Variants in LARS1 observed in about 807,000 individuals in gnomAD.
LARS1 encodes the protein leucine--tRNA ligase, cytoplasmic.
LARS1 carries 100 observed loss-of-function variants against 162.8 expected under a neutral mutation model. That is an observed-to-expected ratio of 0.61 (90% CI 0.52 to 0.73). The LOEUF (loss-of-function observed/expected upper bound fraction) is 0.73. Among genes scored for constraint, LARS1 ranks in the 30% least tolerant of loss-of-function variants. The pLI is 0.00. For synonymous variants in LARS1, 457 were observed against 462.8 expected (o/e 0.99, Z 0.16); for missense variants, 1,258 against 1,408.9 (o/e 0.89, Z 1.71).
At chr5:146,140,118 T>C in intron 21 of LARS1, 86 bp downstream of exon 21, 1 of 1,029,100 alleles carries the variant, frequency 9.7e-7, no homozygotes, top group Non-Finnish European at 1.5e-6. Context: ...CATTATTTCT[T>C]ACATACATTT....
intron 21 of LARS1, among the ~76,000 whole-genome samples, chr5:146,139,872 CAAAAAAAA>C (rs34203668): frequency 1.6e-4 from 13 of 83,390 alleles, no homozygotes; most frequent in African/African-American, 3.7e-4. Context: ...GACTCCGTCT[CAAAAAAAA>C]AAAAAAAAAA....
chr5:146,171,019 C>T (rs1215495196), intron 4 of LARS1, among the ~76,000 whole-genome samples: 1 of 152,010 alleles, frequency 6.6e-6, no homozygotes, highest in Non-Finnish European at 1.5e-5. Flanking sequence ...GTTCATTGTA[C>T]TACCATTCCA....
At chr5:146,147,905 T>G (rs1753090300) in intron 15 of LARS1, among the ~76,000 whole-genome samples, 2 of 152,040 alleles carry the variant, frequency 1.3e-5, no homozygotes, top group Admixed American at 1.3e-4. Context: ...GAAAAAAGAT[T>G]ATACAAGCCT....
At chr5:146,135,543 C>T in intron 22 of LARS1, 58 bp downstream of exon 22, 1 of 1,255,108 alleles carries the variant, frequency 8.0e-7, no homozygotes, top group South Asian at 1.4e-5. Flanking sequence ...TTTAACGTGT[C>T]TTCTATAATC....
intron 22 of LARS1, among the ~76,000 whole-genome samples, chr5:146,134,702 A>G (rs1256178639): frequency 6.6e-6 from 1 of 152,224 alleles, no homozygotes; most frequent in East Asian, 1.9e-4. Flanking sequence ...TAATCCCAGC[A>G]CTTTGGAAGG....
intron 28 of LARS1, among the ~76,000 whole-genome samples, chr5:146,126,095 T>C (rs1752029414): frequency 1.3e-5 from 2 of 152,000 alleles, no homozygotes; most frequent in Non-Finnish European, 2.9e-5. Flanking sequence ...TATACAAATG[T>C]TGAATCCTGG....
At chr5:146,151,655 G>A (rs773457330) in intron 14 of LARS1, among the ~76,000 whole-genome samples, 4 of 152,136 alleles carry the variant, frequency 2.6e-5, no homozygotes, top group Non-Finnish European at 5.9e-5. Context: ...TAGAGGGCAC[G>A]AAAAAGACAA....
rs73315769 is a variant in LARS1, at chr5:146,140,351, T to A, written c.2091-90A>T. ...TTTGAGGTAAAAGCTAATAGACTCA[T>A]AAAGGCTTGCTAAGATAAAAGTGCA... On this transcript the variant is annotated intron_variant, in intron 20 of 31. Transcript: ENST00000394434. 3.9e-3 allele frequency: 3,710 copies of A among 959,606 alleles called. 82 individuals carry two copies. The African/African-American group carries it at 0.051, about 13-fold the overall frequency. 59.4% of individuals were successfully genotyped at this position (959,606 alleles called of 1,614,324 possible).
Position 146,176,502 on chromosome 5 carries a change from C to G in LARS1, c.125+1045G>C, listed in dbSNP as rs77494147. Among the ~76,000 whole-genome samples the G allele has an allele frequency of 4.7e-3, 696 of 148,276 alleles. 3 individuals carry two copies. Among genetic ancestry groups the G allele is most frequent in the Middle Eastern group, 0.017 (5 of 288 alleles). On this transcript the variant is annotated intron_variant, in intron 2 of 31. Coordinates refer to ENST00000394434, the MANE Select transcript of LARS1 (RefSeq NM_020117.11). ...AAAAAGAAGATTAAATGAGAGTATA[C>G]ATGTAAAAAAATTTGCTAGCACATT...
chr5:146,129,771 T>C (rs1752198641), intron 25 of LARS1, among the ~76,000 whole-genome samples: 1 of 152,218 alleles, frequency 6.6e-6, no homozygotes, highest in South Asian at 2.1e-4. Flanking sequence ...ATTGTTTATA[T>C]CTTTCTCAAT....
At chr5:146,128,890 T>C (rs984911708) in intron 26 of LARS1, 88 bp downstream of exon 26, 1 of 1,449,094 alleles carries the variant, frequency 6.9e-7, no homozygotes, top group Non-Finnish European at 9.4e-7. Context: ...TTAATGAAAA[T>C]CTTTTTAACT....
intron 1 of LARS1, 45 bp from the exon 2 acceptor site, chr5:146,177,710 T>G: frequency 9.6e-7 from 1 of 1,039,144 alleles, no homozygotes; most frequent in Non-Finnish European, 1.4e-6. Flanking sequence ...TTCAGCACGC[T>G]TGCTTTAAAA....
intron 20 of LARS1, among the ~76,000 whole-genome samples, chr5:146,141,360 G>A (rs1752769889): frequency 6.6e-6 from 1 of 152,034 alleles, no homozygotes; most frequent in South Asian, 2.1e-4. Context: ...AAAGTACCTG[G>A]CATAAGCTCT....
At position 146,151,897 on chromosome 5, in the gene LARS1, T is replaced by C. The variant is rs776175148; in HGVS notation, c.1390A>G (p.Lys464Glu). 2 of 1,614,108 alleles carry C rather than the reference T, an allele frequency of 1.2e-6. No individual in the cohort carries two copies. The highest frequency in any genetic ancestry group is 2.2e-5 in the South Asian group (2 of 91,090). The part of the protein sequence containing the change: ...QNDREKLAEA[K>E]EKIYLKGFYE... ...AATCCTTTTAGATATATCTTCTCCT[T>C]TGCTTCTGCAAGTTTTTCCCGGTCA... Residue 464 changes from lysine to glutamate, a missense_variant, in exon 14 of 32, where the codon AAG (lysine) becomes GAG (glutamate). Coordinates refer to ENST00000394434, the MANE Select transcript of LARS1 (RefSeq NM_020117.11).
chr5:146,123,881 C>A, intron 29 of LARS1, 101 bp downstream of exon 29: 4 of 567,650 alleles, frequency 7.0e-6, no homozygotes, highest in South Asian at 7.6e-5. Flanking sequence ...AGATACTAAA[C>A]ACAGAAGATG....
chr5:146,128,865 C>G (rs1465552910), intron 26 of LARS1, 83 bp from the exon 27 acceptor site: 22 of 1,411,196 alleles, frequency 1.6e-5, no homozygotes, highest in Non-Finnish European at 2.1e-5. Context: ...ACATACACCA[C>G]CACGGTCTTC....
At chr5:146,155,633 C>A (rs1021685154) in intron 10 of LARS1, among the ~76,000 whole-genome samples, 18 of 152,122 alleles carry the variant, frequency 1.2e-4, no homozygotes, top group Non-Finnish European at 1.5e-4. Flanking sequence ...CCTCTTTATT[C>A]ATATATGTAC....
intron 23 of LARS1, 83 bp downstream of exon 23, chr5:146,132,815 A>T: frequency 1.0e-6 from 1 of 965,804 alleles, no homozygotes; most frequent in Non-Finnish European, 1.5e-6. Context: ...AAAAAAAAAA[A>T]AGAAAAGAAA....
At chr5:146,118,767 A>G (rs1751684466) in intron 31 of LARS1, among the ~76,000 whole-genome samples, 1 of 152,224 alleles carries the variant, frequency 6.6e-6, no homozygotes, top group Admixed American at 6.5e-5. Flanking sequence ...ATGATGACGA[A>G]GTTGTAGAGA....
Sources: allele counts gnomAD v4.1 joint callset (sites outside exome capture counted in the v4.1 genomes callset), GRCh38; gene constraint gnomAD v4.1.1; transcripts MANE v1.5; gene names NCBI Gene and HGNC (gene_info 2026-07-23, HGNC 2026-07-21).